THBS1: variants seen among roughly 807,000 people sequenced by gnomAD.
The protein encoded by THBS1 is thrombospondin 1, also known as thrombospondin-1.
THBS1 carries 29 observed loss-of-function variants against 126.1 expected under a neutral mutation model. The observed-to-expected ratio is 0.23, with a 90% CI of 0.17 to 0.31. The LOEUF is 0.31. Ranked by LOEUF, THBS1 falls within the 10% of genes least tolerant of loss-of-function variation. The pLI, the probability that THBS1 is intolerant of heterozygous loss-of-function variation, is 1.00. For synonymous variants in THBS1, 496 were observed against 577.8 expected, an observed-to-expected ratio of 0.86 and a Z score of 2.03; for missense variants, 1,198 against 1,545.2, an observed-to-expected ratio of 0.78 and a Z score of 3.77.
At position 39,597,275 on chromosome 15, in the gene THBS1, G is replaced by GTT. The variant is rs879801079; in HGVS notation, c.*1909_*1910dup. The GTT allele has an allele frequency of 1.1e-4, 6 of 52,590 alleles. No individual in the cohort carries two copies. Among genetic ancestry groups the GTT allele is most frequent in the South Asian group, 5.4e-4 (1 of 1,850 alleles). The allele number at this position is 52,590 out of a possible 1,614,324, so 3.3% of individuals were successfully genotyped here. ...GAATTGTTGGTTTTTTCTTTTTTTT[G>GTT]TTTTGTTTTTTTTTTTTTTTTTTTT... On this transcript the variant is annotated 3_prime_UTR_variant, in exon 22 of 22. Transcript: ENST00000260356.
chr15:39,587,367 G>A lies in THBS1; in HGVS notation c.1141G>A (p.Gly381Ser). ...TGCAGCCAGCGACTCTGCGGACGAT[G>A]GCTGGTCTCCATGGTCCGAGTGGAC... ...RCWPSDSADD[G>S]WSPWSEWTSC... The change falls in exon 8 of 22, where the codon GGC becomes AGC. Residue 381 changes from glycine (G) to serine (S), a missense_variant. Gly to Ser is a moderately conservative substitution (Grantham distance 56, BLOSUM62 0). This residue lies in a region of THBS1 where 663 missense variants were observed against 860.1 expected (regional missense o/e 0.77). Transcript: ENST00000260356. The A allele has an allele frequency of 6.2e-7, 1 of 1,613,368 alleles. No homozygotes were observed. The highest frequency in any genetic ancestry group is 2.2e-5 in the East Asian group (1 of 44,870).
chr15:39,581,923 A>G lies in THBS1; in HGVS notation c.66A>G (p.Pro22=). 1 of 1,614,096 alleles carries G rather than the reference A, an allele frequency of 6.2e-7. No homozygotes were observed. The highest frequency in any genetic ancestry group is 1.1e-5 in the South Asian group (1 of 91,070). Reference sequence around the variant, plus strand: ...ATGTGTGTGGCACCAACCGCATTCCAGGTGAGTTTGTGTGGCACCTTTAGG... The same window carrying G: ...ATGTGTGTGGCACCAACCGCATTCCGGGTGAGTTTGTGTGGCACCTTTAGG... ...LMHVCGTNRI[P]ESGGDNSVFD... is the part of the protein sequence containing the mutation. The change falls in exon 2 of 22, where the codon CCA becomes CCG. Residue 22 remains proline, a splice_region_variant and synonymous_variant. Transcript: ENST00000260356.
At chr15:39,591,689 G>A in intron 16 of THBS1, 66 bp downstream of exon 16, 2 of 1,435,358 alleles carry the variant, frequency 1.4e-6, no homozygotes, top group Non-Finnish European at 2.0e-6. Flanking sequence ...CATGGCCTTT[G>A]AAAAATGAGC....
At chr15:39,588,427 G>T in intron 9 of THBS1, 99 bp from the exon 10 acceptor site, 1 of 1,417,190 alleles carries the variant, frequency 7.1e-7, no homozygotes, top group South Asian at 1.5e-5. Flanking sequence ...CCATGTGTCA[G>T]AGAAGCAGAG....
chr15:39,589,307 T>C lies in THBS1; in HGVS notation c.1879T>C (p.Ser627Pro). ...CLPCPPRFTG[S>P]QPFGQGVEHA... ...GCCCTGCCCCCCACGCTTCACCGGCTCACAGCCCTTCGGCCAGGGTGTCGA... is the reference window on the plus strand; with the variant it reads ...GCCCTGCCCCCCACGCTTCACCGGCCCACAGCCCTTCGGCCAGGGTGTCGA... The change falls in exon 12 of 22, where the codon TCA (serine) becomes CCA (proline). Residue 627 changes from serine (S) to proline (P), a missense_variant. Coordinates refer to ENST00000260356, the MANE Select transcript of THBS1 (RefSeq NM_003246.4). The surrounding 1 kb of genome is among the most constrained non-coding windows in gnomAD (Gnocchi z 4.7). The C allele has an allele frequency of 1.9e-6, 3 of 1,614,042 alleles. No homozygotes were observed. The highest frequency in any genetic ancestry group is 2.5e-6 in the Non-Finnish European group (3 of 1,180,022).
chr15:39,588,310 T>C, intron 9 of THBS1, 92 bp downstream of exon 9: 1 of 1,465,698 alleles, frequency 6.8e-7, no homozygotes, highest in Non-Finnish European at 9.1e-7. Context: ...CAGTGGGTCA[T>C]AGAGCAGGAA....
intron 2 of THBS1, 78 bp downstream of exon 2, chr15:39,582,002 G>A: frequency 6.7e-7 from 1 of 1,497,874 alleles, no homozygotes. Flanking sequence ...CCCCTCACGT[G>A]CTGTCCTCTC....
rs1481620566 is a variant in THBS1 at position 39,589,131 on chromosome 15, G to A, written c.1773+45G>A. The A allele has an allele frequency of 6.2e-7, 1 of 1,612,864 alleles. No individual in the cohort carries two copies. Among genetic ancestry groups the A allele is most frequent in the Admixed American group, 1.7e-5 (1 of 60,008 alleles). Reference sequence around the variant, plus strand: ...CCGAGTTTCTGGATCTAGGAAAGCAGCTAACCTGTGCAGTCGCTTCCTTAT... The same window carrying A: ...CCGAGTTTCTGGATCTAGGAAAGCAACTAACCTGTGCAGTCGCTTCCTTAT... On this transcript the variant is annotated intron_variant, in intron 11 of 21. Transcript: ENST00000260356. This position sits in a 1 kb window ranked among gnomAD's most constrained non-coding sequence, Gnocchi z 4.7.
chr15:39,584,223 C>T (rs763080840), intron 5 of THBS1, 36 bp downstream of exon 5: 20 of 1,613,920 alleles, frequency 1.2e-5, no homozygotes, highest in Admixed American at 1.0e-4. Context: ...TTAGCATGAA[C>T]CCTGGAAGGT....
rs1284422001 is a variant in THBS1, at chr15:39,595,799, C to T, written c.*430C>T. On this transcript the variant is annotated 3_prime_UTR_variant, in exon 22 of 22. Transcript: ENST00000260356. ...ACAAAACCACCCTGACATCCTCCTT[C>T]AGGAACACGGGGAGCAGAGGCCAAA... 2.2e-6 allele frequency: 1 copy of T among 461,524 alleles called. No individual in the cohort carries two copies. Among genetic ancestry groups the T allele is most frequent in the South Asian group, 1.5e-5 (1 of 64,596 alleles). The allele number at this position is 461,524 out of a possible 1,614,324, so 28.6% of individuals were successfully genotyped here.
At chr15:39,588,410 A>G (rs778711203) in intron 9 of THBS1, 116 bp from the exon 10 acceptor site, 35 of 1,356,454 alleles carry the variant, frequency 2.6e-5, no homozygotes, top group Non-Finnish European at 3.4e-5. Flanking sequence ...CTTCCCCAGC[A>G]TTCTTTCCAT....
At chr15:39,595,298 G>A in intron 21 of THBS1, 64 bp from the exon 22 acceptor site, 1 of 998,998 alleles carries the variant, frequency 1.0e-6, no homozygotes, top group South Asian at 2.6e-5. Flanking sequence ...TATTAACTAA[G>A]ATGTCTATGC....
chr15:39,584,145 G>A lies in THBS1; in HGVS notation c.861G>A (p.Leu287=). The change falls in exon 5 of 22, where the codon CTG becomes CTA. Residue 287 remains leucine (L), a synonymous_variant. Coordinates refer to ENST00000260356, the MANE Select transcript of THBS1 (RefSeq NM_003246.4). The part of the protein sequence containing the change: ...LSSMVLELRG[L]RTIVTTLQDS... ...GCATGGTCCTGGAACTCAGGGGCCT[G>A]CGCACCATTGTGACCACGCTGCAGG... 1 of 1,614,214 alleles carries A rather than the reference G, an allele frequency of 6.2e-7. No homozygotes were observed. Among genetic ancestry groups the A allele is most frequent in the Non-Finnish European group, 8.5e-7 (1 of 1,180,036 alleles).
At position 39,593,224 on chromosome 15, in the gene THBS1, G is replaced by A; in HGVS notation, c.2992G>A (p.Val998Ile). The change falls in exon 18 of 22, where the codon GTA (valine) becomes ATA (isoleucine). Residue 998 changes from valine to isoleucine, a missense_variant. Val to Ile is a conservative substitution (Grantham distance 29). Around this residue, in one of 4 missense-constraint regions of THBS1, gnomAD observed 255 missense variants for 373.9 expected, o/e 0.68. Coordinates refer to ENST00000260356, the MANE Select transcript of THBS1 (RefSeq NM_003246.4). This position sits in a 1 kb window ranked among gnomAD's most constrained non-coding sequence, Gnocchi z 5.9. The part of the protein sequence containing the change: ...QTVNCDPGLA[V>I]GYDEFNAVDF... ...TGTCAACTGTGATCCTGGACTCGCT[G>A]TAGGTGAGTAGCGAGTTCTTAGATC... The A allele has an allele frequency of 6.2e-7, 1 of 1,613,552 alleles. No homozygotes were observed. The highest frequency in any genetic ancestry group is 1.1e-5 in the South Asian group (1 of 91,060).
rs891982287 is a variant in THBS1 at position 39,597,764 on chromosome 15, T to C, written c.*2395T>C. On this transcript the variant is annotated 3_prime_UTR_variant, in exon 22 of 22. Coordinates refer to ENST00000260356, the MANE Select transcript of THBS1 (RefSeq NM_003246.4). ...ATAAGAATAAAATTTCTTATTAAGG[T>C]CATTAGATGTCATTGAATCCTTTTC... 2.6e-5 allele frequency: 4 copies of C among 152,170 alleles called. No homozygotes were observed. The highest frequency in any genetic ancestry group is 4.4e-5 in the Non-Finnish European group (3 of 68,038). 9.4% of individuals were successfully genotyped at this position (152,170 alleles called of 1,614,324 possible).
rs879801079 is a variant in THBS1 at position 39,597,275 on chromosome 15, G to GTTTTTTTTTTTTTT, written c.*1910_*1911insTTTTTTTTTTTTTT. The GTTTTTTTTTTTTTT allele has an allele frequency of 1.9e-5, 1 of 52,592 alleles. No homozygotes were observed. Among genetic ancestry groups the GTTTTTTTTTTTTTT allele is most frequent in the Admixed American group, 1.7e-4 (1 of 5,878 alleles). The allele number at this position is 52,592 out of a possible 1,614,324, so 3.3% of individuals were successfully genotyped here. A position where few individuals can be genotyped will look rare whatever the true frequency, so the allele number is the denominator to read the frequency against. On this transcript the variant is annotated 3_prime_UTR_variant, in exon 22 of 22. Transcript: ENST00000260356. ...GAATTGTTGGTTTTTTCTTTTTTTT[G>GTTTTTTTTTTTTTT]TTTTGTTTTTTTTTTTTTTTTTTTT...
chr15:39,595,012 T>C (rs984568574), intron 21 of THBS1, among the ~76,000 whole-genome samples: 1 of 152,224 alleles, frequency 6.6e-6, no homozygotes, highest in African/African-American at 2.4e-5. Flanking sequence ...GCCAGATACC[T>C]AAAAGATCAA....
Position 39,589,440 on chromosome 15 carries a change from ACCCTTCAC to A in THBS1, c.1926+88_1926+95del. On this transcript the variant is annotated intron_variant, in intron 12 of 21. Coordinates refer to ENST00000260356, the MANE Select transcript of THBS1 (RefSeq NM_003246.4). The surrounding 1 kb of genome is among the most constrained non-coding windows in gnomAD (Gnocchi z 4.7). ...GGGAGCGGGAGGAATGTAATTTCAT[ACCCTTCAC>A]CAAAAAAAAAAGGGCGAGGAGATGA... The A allele has an allele frequency of 1.3e-6, 2 of 1,493,444 alleles. No homozygotes were observed. The highest frequency in any genetic ancestry group is 2.2e-5 in the Admixed American group (1 of 46,366). The allele number at this position is 1,493,444 out of a possible 1,614,324, so 92.5% of individuals were successfully genotyped here.
chr15:39,586,865 G>C (rs1156423652), intron 7 of THBS1: 1 of 152,618 alleles, frequency 6.6e-6, no homozygotes, highest in East Asian at 1.9e-4. Context: ...GCTGTACTGA[G>C]CCAGGCAAAG....
Sources: gnomAD v4.1 joint callset for allele counts (sites outside exome capture counted in the v4.1 genomes callset) on GRCh38, gnomAD v4.1.1 for gene constraint, gnomAD v4.1.1 regional missense constraint, Gnocchi (gnomAD v3.1) non-coding constraint, MANE v1.5 for transcripts, NCBI Gene and HGNC (gene_info 2026-07-23, HGNC 2026-07-21) for gene names.